The following STX8 variants were observed in gnomAD, a reference collection of about 807,000 sequenced individuals.
STX8 encodes syntaxin 8, also known as syntaxin-8.
STX8 carries 23 observed loss-of-function variants against 37.5 expected under a neutral mutation model. The ratio of observed to expected loss-of-function variants is 0.61; its 90% confidence interval spans 0.44 to 0.87. STX8 has a LOEUF of 0.87. Among genes scored for constraint, STX8 ranks in the 40% least tolerant of loss-of-function variants. The probability of loss-of-function intolerance (pLI) is 0.00; values close to 1 mark genes in which losing one functional copy is unlikely to be tolerated. For synonymous variants in STX8, 115 were observed against 99.1 expected, an observed-to-expected ratio of 1.16 and a Z score of -0.95; for missense variants, 313 against 284.7, an observed-to-expected ratio of 1.10 and a Z score of -0.71.
intron 7 of STX8, among the ~76,000 whole-genome samples, chr17:9,264,093 G>C (rs1907142203): frequency 1.3e-5 from 2 of 152,214 alleles, no homozygotes; most frequent in Admixed American, 1.3e-4. Flanking sequence ...CAAATGGAGA[G>C]ACCACATGGA....
At chr17:9,343,339 TGTTCTC>T (rs1362557316) in intron 7 of STX8, among the ~76,000 whole-genome samples, 2 of 152,184 alleles carry the variant, frequency 1.3e-5, no homozygotes, top group East Asian at 3.8e-4. Flanking sequence ...TAATTAGAAC[TGTTCTC>T]TCTACTGCTA....
At chr17:9,474,221 C>A (rs1906004221) in intron 6 of STX8, among the ~76,000 whole-genome samples, 1 of 152,106 alleles carries the variant, frequency 6.6e-6, no homozygotes, top group African/African-American at 2.4e-5. Context: ...AACCTCTATA[C>A]CTTGCCCTAT....
rs761282885 is a variant in STX8, at chr17:9,250,534, T to C, written c.*44A>G. 2 of 1,540,420 alleles carry C rather than the reference T, an allele frequency of 1.3e-6. No homozygotes were observed. Among genetic ancestry groups the C allele is most frequent in the Non-Finnish European group, 1.8e-6 (2 of 1,131,496 alleles). On this transcript the variant is annotated 3_prime_UTR_variant, in exon 8 of 8. Transcript: ENST00000306357. ...GTACCAAAAGGGTGTTGGGCTTGCATCTGTCATTGGCAGGTGTCACTGCTG... is the reference window on the plus strand; with the variant it reads ...GTACCAAAAGGGTGTTGGGCTTGCACCTGTCATTGGCAGGTGTCACTGCTG...
intron 7 of STX8, among the ~76,000 whole-genome samples, chr17:9,342,389 G>A (rs1910390155): frequency 1.3e-5 from 2 of 152,152 alleles, no homozygotes; most frequent in African/African-American, 4.8e-5. Flanking sequence ...TAAGAGTAGT[G>A]TTTCAGGATG....
intron 6 of STX8, among the ~76,000 whole-genome samples, chr17:9,441,110 A>G (rs1266832283): frequency 1.3e-5 from 2 of 152,142 alleles, no homozygotes; most frequent in Non-Finnish European, 2.9e-5. Context: ...TACTCAAATA[A>G]TTACTAATCC....
At chr17:9,302,345 AATAG>A (rs1452025431) in intron 7 of STX8, among the ~76,000 whole-genome samples, 1 of 152,034 alleles carries the variant, frequency 6.6e-6, no homozygotes, top group African/African-American at 2.4e-5. Flanking sequence ...TGCCTTTTCA[AATAG>A]ATAGTTTTTA....
intron 4 of STX8, among the ~76,000 whole-genome samples, chr17:9,535,723 T>C (rs1354325746): frequency 2.6e-5 from 4 of 151,956 alleles, no homozygotes; most frequent in South Asian, 2.1e-4. Context: ...TGAGCCATCG[T>C]GCCCATCCTC....
intron 7 of STX8, among the ~76,000 whole-genome samples, chr17:9,278,964 G>A (rs1733986986): frequency 6.6e-6 from 1 of 152,058 alleles, no homozygotes; most frequent in Admixed American, 6.6e-5. Flanking sequence ...ATCAAGCACT[G>A]TACTCTTGAT....
At chr17:9,407,005 A>G (rs1262856711) in intron 6 of STX8, among the ~76,000 whole-genome samples, 1 of 152,180 alleles carries the variant, frequency 6.6e-6, no homozygotes, top group African/African-American at 2.4e-5. Flanking sequence ...CATACTATTC[A>G]GAGGTATTAT....
chr17:9,308,988 T>TC (rs1909098400), intron 7 of STX8, among the ~76,000 whole-genome samples: 3 of 152,126 alleles, frequency 2.0e-5, no homozygotes, highest in Admixed American at 2.0e-4. Context: ...AGCCTAGTTT[T>TC]CTTTTTTTTT....
chr17:9,338,048 A>AC (rs1388436382), intron 7 of STX8, among the ~76,000 whole-genome samples: 135 of 107,894 alleles, frequency 1.3e-3, no homozygotes, highest in Non-Finnish European at 2.2e-3. Context: ...CCTCTGAAGG[A>AC]TTTTTTTTTT....
At chr17:9,255,186 C>T (rs1417051799) in intron 7 of STX8, among the ~76,000 whole-genome samples, 1 of 152,072 alleles carries the variant, frequency 6.6e-6, no homozygotes, top group Non-Finnish European at 1.5e-5. Context: ...GTGAATTAGA[C>T]AAACTGTGCC....
chr17:9,549,027 C>G (rs1906659087), intron 3 of STX8, among the ~76,000 whole-genome samples: 1 of 152,090 alleles, frequency 6.6e-6, no homozygotes, highest in Non-Finnish European at 1.5e-5. Context: ...AATATAATCC[C>G]TTTATAGTCA....
chr17:9,463,727 G>A (rs920625825), intron 6 of STX8, among the ~76,000 whole-genome samples: 1 of 152,180 alleles, frequency 6.6e-6, no homozygotes, highest in African/African-American at 2.4e-5. Flanking sequence ...GACCAACATG[G>A]AGAAACCCCA....
chr17:9,472,162 A>AT (rs1173881270), intron 6 of STX8, among the ~76,000 whole-genome samples: 3 of 149,786 alleles, frequency 2.0e-5, no homozygotes, highest in African/African-American at 7.4e-5. Context: ...CAGAGGTGGG[A>AT]TTTAAGCCTG....
intron 7 of STX8, among the ~76,000 whole-genome samples, chr17:9,278,906 A>G (rs182783799): frequency 7.9e-4 from 120 of 152,176 alleles, no homozygotes; most frequent in African/African-American, 2.5e-3. Context: ...TCTGATGAGG[A>G]CAGCAGCAGA....
chr17:9,458,869 GCC>G (rs1310773967), intron 6 of STX8, among the ~76,000 whole-genome samples: 8 of 139,694 alleles, frequency 5.7e-5, no homozygotes, highest in African/African-American at 2.2e-4. Context: ...TCACTCTGTT[GCC>G]CAGGCTGGAG....
intron 7 of STX8, among the ~76,000 whole-genome samples, chr17:9,268,283 A>AC (rs1907302881): frequency 2.0e-5 from 3 of 151,090 alleles, no homozygotes; most frequent in African/African-American, 4.9e-5. Flanking sequence ...TGGAGTAAGA[A>AC]CAAAAAAAAA....
intron 7 of STX8, among the ~76,000 whole-genome samples, chr17:9,252,400 C>T (rs1437023819): frequency 8.6e-5 from 13 of 151,006 alleles, no homozygotes; most frequent in Middle Eastern, 3.2e-3. Context: ...GCCGAGATTG[C>T]GCCACTGCAC....
Sources: allele counts gnomAD v4.1 joint callset (sites outside exome capture counted in the v4.1 genomes callset), GRCh38; gene constraint gnomAD v4.1.1; transcripts MANE v1.5; gene names NCBI Gene and HGNC (gene_info 2026-07-23, HGNC 2026-07-21).